The following CHRM5 variants were observed in gnomAD, a reference collection of about 807,000 sequenced individuals.
The protein encoded by CHRM5 is muscarinic acetylcholine receptor M5.
Under a neutral mutation model 39.0 loss-of-function variants are expected in CHRM5, and 18 were observed. That is an observed-to-expected ratio of 0.46 (90% CI 0.32 to 0.68). The LOEUF (loss-of-function observed/expected upper bound fraction) is 0.68, where lower values mean the gene tolerates loss of function less well. Among genes scored for constraint, CHRM5 ranks in the 30% least tolerant of loss-of-function variants. The pLI is 0.04. For synonymous variants in CHRM5, 241 were observed against 246.3 expected, an observed-to-expected ratio of 0.98 and a Z score of 0.20; for missense variants, 515 against 651.1, an observed-to-expected ratio of 0.79 and a Z score of 2.28.
At chr15:34,016,563 G>A (rs1254330993) in intron 1 of CHRM5, among the ~76,000 whole-genome samples, 1 of 152,056 alleles carries the variant, frequency 6.6e-6, no homozygotes, top group Admixed American at 6.6e-5. Context: ...GCTACAAAAT[G>A]TAACCTGAAT....
intron 1 of CHRM5, among the ~76,000 whole-genome samples, chr15:33,989,661 G>C (rs1368551167): frequency 6.6e-6 from 1 of 151,950 alleles, no homozygotes. Context: ...TTTTAGAAGA[G>C]CTTCTACCCT....
chr15:34,056,030 G>A (rs1187181730), intron 2 of CHRM5, among the ~76,000 whole-genome samples: 1 of 152,088 alleles, frequency 6.6e-6, no homozygotes, highest in Non-Finnish European at 1.5e-5. Flanking sequence ...AGCAGGTATT[G>A]TTATACGTGT....
chr15:34,048,059 G>T (rs1899782253), intron 2 of CHRM5, among the ~76,000 whole-genome samples: 1 of 145,172 alleles, frequency 6.9e-6, no homozygotes, highest in Non-Finnish European at 1.5e-5. Context: ...GTGTTTGGTA[G>T]ATATGGGAGT....
chr15:34,000,831 CAATTACCA>C (rs1191379653), intron 1 of CHRM5, among the ~76,000 whole-genome samples: 1 of 151,858 alleles, frequency 6.6e-6, no homozygotes, highest in Non-Finnish European at 1.5e-5. Context: ...AAGACAGCTG[CAATTACCA>C]AAAAAACCAA....
At chr15:34,042,875 C>T (rs1050763976) in intron 1 of CHRM5, among the ~76,000 whole-genome samples, 8 of 152,252 alleles carry the variant, frequency 5.3e-5, no homozygotes, top group Admixed American at 4.6e-4. Flanking sequence ...CCAGTTGATT[C>T]TGATGCATCC....
At chr15:34,025,758 GTGTGTGTGTGTGTT>G (rs1013064222) in intron 1 of CHRM5, among the ~76,000 whole-genome samples, 1 of 150,208 alleles carries the variant, frequency 6.7e-6, no homozygotes, top group African/African-American at 2.4e-5. Context: ...TTGGTTTTGC[GTGTGTGTGTGTGTT>G]TGTGTGTGTG....
chr15:33,998,421 G>C (rs993731016), intron 1 of CHRM5, among the ~76,000 whole-genome samples: 1 of 152,078 alleles, frequency 6.6e-6, no homozygotes, highest in Non-Finnish European at 1.5e-5. Flanking sequence ...CCAGGAATTC[G>C]AGACCAGCCT....
intron 1 of CHRM5, among the ~76,000 whole-genome samples, chr15:33,977,785 AT>A (rs1292142589): frequency 2.0e-5 from 3 of 152,066 alleles, no homozygotes; most frequent in African/African-American, 7.2e-5. Context: ...AGAAAGGACT[AT>A]TTCAGGCCAG....
At chr15:33,978,026 G>C (rs538309221) in intron 1 of CHRM5, among the ~76,000 whole-genome samples, 2 of 140,340 alleles carry the variant, frequency 1.4e-5, no homozygotes, top group South Asian at 5.2e-4. Context: ...GGGAGGGAGG[G>C]ATGGAAGGAT....
rs1187490207 is a variant in CHRM5 at position 34,067,081 on chromosome 15, C to T, written c.*2765C>T. On this transcript the variant is annotated 3_prime_UTR_variant, in exon 3 of 3. Transcript: ENST00000383263. ...TAGGCCTTCTATGCCCCCAGTCTTC[C>T]AGGCTTTGTCTATAGTAAACCATGT... The T allele has an allele frequency of 6.6e-6, 1 of 152,174 alleles. No individual in the cohort carries two copies. The highest frequency in any genetic ancestry group is 1.5e-5 in the Non-Finnish European group (1 of 68,036). 9.4% of individuals were successfully genotyped at this position (152,174 alleles called of 1,614,324 possible). A position where few individuals can be genotyped will look rare whatever the true frequency, so the allele number is the denominator to read the frequency against.
At chr15:33,987,866 G>A (rs1325301202) in intron 1 of CHRM5, among the ~76,000 whole-genome samples, 1 of 152,168 alleles carries the variant, frequency 6.6e-6, no homozygotes, top group Non-Finnish European at 1.5e-5. Flanking sequence ...AAGCTTTCTG[G>A]CCCCATGGAA....
rs57211791 is a variant in CHRM5 at position 34,008,954 on chromosome 15, G to GCACACA, written c.-407-37569_-407-37564dup. On this transcript the variant is annotated intron_variant, in intron 1 of 2. Transcript: ENST00000383263. ...AACACACACTCACACGTGCGCGCGC[G>GCACACA]CACACACACACACACACACACAGAC... Among the ~76,000 whole-genome samples, 299 of 103,196 alleles carry GCACACA rather than the reference G, an allele frequency of 2.9e-3. 1 individual carries two copies. Among genetic ancestry groups the GCACACA allele is most frequent in the African/African-American group, 7.4e-3 (282 of 38,356 alleles). 67.7% of individuals were successfully genotyped at this position (103,196 alleles called of 152,430 possible).
At chr15:33,985,955 A>C (rs539360999) in intron 1 of CHRM5, among the ~76,000 whole-genome samples, 1 of 152,198 alleles carries the variant, frequency 6.6e-6, no homozygotes, top group Non-Finnish European at 1.5e-5. Context: ...GGTGCCTGAT[A>C]TCTCTCTGAC....
intron 1 of CHRM5, among the ~76,000 whole-genome samples, chr15:34,026,361 G>A (rs930659722): frequency 2.0e-5 from 3 of 152,138 alleles, no homozygotes; most frequent in African/African-American, 7.2e-5. Flanking sequence ...ACCTCAGGGT[G>A]TAACTTTTAA....
At chr15:34,053,384 A>G (rs1333316057) in intron 2 of CHRM5, among the ~76,000 whole-genome samples, 1 of 149,042 alleles carries the variant, frequency 6.7e-6, no homozygotes, top group Non-Finnish European at 1.5e-5. Flanking sequence ...AATCCGAAGG[A>G]AAAAGAACAA....
Position 34,062,861 on chromosome 15 carries a change from T to C in CHRM5, c.144T>C (p.Asn48=). Residue 48 remains asparagine, a synonymous_variant, in exon 3 of 3, where the codon AAT becomes AAC. Coordinates refer to ENST00000383263, the MANE Select transcript of CHRM5 (RefSeq NM_012125.4). ...AVVSLITIVG[N]VLVMISFKVN... is the part of the protein sequence containing the mutation. ...TAAGCCTGATCACCATTGTGGGCAATGTCTTGGTCATGATCTCCTTCAAAG... is the reference window on the plus strand; with the variant it reads ...TAAGCCTGATCACCATTGTGGGCAACGTCTTGGTCATGATCTCCTTCAAAG... 1 of 1,614,196 alleles carries C rather than the reference T, an allele frequency of 6.2e-7. No individual in the cohort carries two copies. Among genetic ancestry groups the C allele is most frequent in the South Asian group, 1.1e-5 (1 of 91,084 alleles).
intron 1 of CHRM5, among the ~76,000 whole-genome samples, chr15:34,021,900 G>A (rs77319297): frequency 0.028 from 4,216 of 152,124 alleles, 163 homozygotes; most frequent in African/African-American, 0.076. Context: ...CTTCCACATG[G>A]CAACATTAAC....
At chr15:34,033,811 T>TG (rs1326435540) in intron 1 of CHRM5, among the ~76,000 whole-genome samples, 1 of 152,164 alleles carries the variant, frequency 6.6e-6, no homozygotes, top group Non-Finnish European at 1.5e-5. Flanking sequence ...TGTTTTGAGA[T>TG]GGAGTCTCAT....
intron 1 of CHRM5, among the ~76,000 whole-genome samples, chr15:34,035,776 G>C (rs975088072): frequency 5.4e-5 from 7 of 130,094 alleles, no homozygotes; most frequent in Admixed American, 2.5e-4. Flanking sequence ...AGTGATAGGG[G>C]GATTATTTAT....
Sources: gnomAD v4.1 joint callset for allele counts (sites outside exome capture counted in the v4.1 genomes callset) on GRCh38, gnomAD v4.1.1 for gene constraint, MANE v1.5 for transcripts, NCBI Gene and HGNC (gene_info 2026-07-23, HGNC 2026-07-21) for gene names.